CTDNEP1: variants seen among roughly 807,000 people sequenced by gnomAD.
CTDNEP1 encodes the protein C-terminal domain nuclear envelope phosphatase 1.
Under a neutral mutation model 30.1 loss-of-function variants are expected in CTDNEP1, and 3 were observed. The ratio of observed to expected loss-of-function variants is 0.10; its 90% CI spans 0.05 to 0.26. CTDNEP1 has a LOEUF of 0.26. Ranked by LOEUF, CTDNEP1 falls within the 10% of genes least tolerant of loss-of-function variation. CTDNEP1 has a pLI of 1.00. For missense variants in CTDNEP1, 158 were observed against 310.4 expected (o/e 0.51, Z 3.69); for synonymous variants, 123 against 118.8 (o/e 1.04, Z -0.23).
chr17:7,244,363 G>C lies in CTDNEP1; in HGVS notation c.675-118C>G, dbSNP rs937265000. ...TAAATTATCACCATATTCATGATTA[G>C]ATAGGTTCAATTTGCCCACAGCCTA... On this transcript the variant is annotated intron_variant, in intron 7 of 7. Transcript: ENST00000574322. 6 of 1,283,084 alleles carry C rather than the reference G, an allele frequency of 4.7e-6. No individual in the cohort carries two copies. In the African/African-American group the frequency reaches 7.3e-5, roughly 16 times the overall value. The allele number at this position is 1,283,084 out of a possible 1,614,324, so 79.5% of individuals were successfully genotyped here. A position where few individuals can be genotyped will look rare whatever the true frequency, so the allele number is the denominator to read the frequency against.
At chr17:7,247,374 C>T (rs773192400) in intron 1 of CTDNEP1, 31 bp from the exon 2 acceptor site, 1 of 1,585,746 alleles carries the variant, frequency 6.3e-7, no homozygotes, top group South Asian at 1.1e-5. Context: ...GATTGAAACC[C>T]TTGATAAGGA....
In CTDNEP1 at chr17:7,246,614, C is replaced by T; in HGVS notation, c.360+177G>A. 1 of 682,212 alleles carries T rather than the reference C, an allele frequency of 1.5e-6. No homozygotes were observed. The allele number at this position is 682,212 out of a possible 1,614,324, so 42.3% of individuals were successfully genotyped here. A position where few individuals can be genotyped will look rare whatever the true frequency, so the allele number is the denominator to read the frequency against. ...AGATGCCAGCGGAAAAGAATTACAT[C>T]AGCACAACAAATGAACCCCAAGTAC... On this transcript the variant is annotated intron_variant, in intron 4 of 7. Transcript: ENST00000574322. This position sits in a 1 kb window ranked among gnomAD's most constrained non-coding sequence, Gnocchi z 4.9.
At chr17:7,245,648 G>A (rs868293127) in intron 6 of CTDNEP1, among the ~76,000 whole-genome samples, 10 of 150,432 alleles carry the variant, frequency 6.6e-5, no homozygotes, top group South Asian at 2.2e-4. Context: ...ACAGGCGTGC[G>A]CCACCACGCC....
intron 1 of CTDNEP1, among the ~76,000 whole-genome samples, chr17:7,249,109 G>A (rs2071880508): frequency 6.6e-6 from 1 of 152,198 alleles, no homozygotes. Flanking sequence ...TAAGGGACAA[G>A]GACGTCACCA....
chr17:7,244,824 T>G, intron 6 of CTDNEP1, 189 bp from the exon 7 acceptor site: 1 of 545,090 alleles, frequency 1.8e-6, no homozygotes, highest in Non-Finnish European at 3.2e-6. Context: ...CTCATACCTA[T>G]TGATGCTTCT....
chr17:7,250,212 T>C (rs1160845852), intron 1 of CTDNEP1, among the ~76,000 whole-genome samples: 2 of 152,128 alleles, frequency 1.3e-5, no homozygotes, highest in African/African-American at 2.4e-5. Flanking sequence ...TCAAATTGTA[T>C]TGAGGTATGC....
At position 7,245,948 on chromosome 17, in the gene CTDNEP1, C is replaced by T. The variant is rs557978742; in HGVS notation, c.589+78G>A. 1,274 of 930,486 alleles carry T rather than the reference C, an allele frequency of 1.4e-3. 10 individuals are homozygous for T. In the African/African-American group the frequency reaches 0.019, roughly 14 times the overall value. 57.6% of individuals were successfully genotyped at this position (930,486 alleles called of 1,614,324 possible). On this transcript the variant is annotated intron_variant, in intron 6 of 7. Coordinates refer to ENST00000574322, the MANE Select transcript of CTDNEP1 (RefSeq NM_001143775.2). ...CTAGGGAATCCCAGCTCTCAAGGACCAAAGCCCAGGTCTCCTGCAAAAATA... is the reference window on the plus strand; with the variant it reads ...CTAGGGAATCCCAGCTCTCAAGGACTAAAGCCCAGGTCTCCTGCAAAAATA...
At chr17:7,250,853 G>C (rs1044268100) in intron 1 of CTDNEP1, among the ~76,000 whole-genome samples, 6 of 152,048 alleles carry the variant, frequency 3.9e-5, no homozygotes, top group Non-Finnish European at 7.4e-5. Flanking sequence ...CACATCCACA[G>C]ATCCGGCTGT....
At chr17:7,247,447 G>T in intron 1 of CTDNEP1, 104 bp from the exon 2 acceptor site, 28 of 787,082 alleles carry the variant, frequency 3.6e-5, no homozygotes, top group Non-Finnish European at 4.7e-5. Flanking sequence ...TACTATGTAT[G>T]TAATTTAGGC....
At chr17:7,250,085 A>G (rs2071892699) in intron 1 of CTDNEP1, among the ~76,000 whole-genome samples, 1 of 152,160 alleles carries the variant, frequency 6.6e-6, no homozygotes, top group Non-Finnish European at 1.5e-5. Context: ...GGTAAAGGAC[A>G]GAATGAACCC....
chr17:7,249,172 G>A (rs1353337991), intron 1 of CTDNEP1, among the ~76,000 whole-genome samples: 2 of 152,114 alleles, frequency 1.3e-5, no homozygotes, highest in Non-Finnish European at 2.9e-5. Context: ...TTCCTAATAC[G>A]CACATCTCCC....
Position 7,244,352 on chromosome 17 carries a change from A to G in CTDNEP1, c.675-107T>C, listed in dbSNP as rs146413480. On this transcript the variant is annotated intron_variant, in intron 7 of 7. Coordinates refer to ENST00000574322, the MANE Select transcript of CTDNEP1 (RefSeq NM_001143775.2). ...GATGTGGGACCTAAATTATCACCAT[A>G]TTCATGATTAGATAGGTTCAATTTG... is the stretch of plus-strand genomic sequence containing the variant. 8.3e-6 allele frequency: 11 copies of G among 1,321,250 alleles called. No homozygotes were observed. In the African/African-American group the frequency reaches 8.7e-5, roughly 10 times the overall value. The allele number at this position is 1,321,250 out of a possible 1,614,324, so 81.8% of individuals were successfully genotyped here. A position where few individuals can be genotyped will look rare whatever the true frequency, so the allele number is the denominator to read the frequency against.
rs1360779899 is a variant in CTDNEP1, at chr17:7,246,171, TC to T, written c.478-35del. ...CAGGGGATCATGTAGCAGGCCTCTC[TC>T]CAGGATACTCTCCTCAAACCCAGAT... is the stretch of plus-strand genomic sequence containing the variant. On this transcript the variant is annotated intron_variant, in intron 5 of 7. Transcript: ENST00000574322. This position sits in a 1 kb window ranked among gnomAD's most constrained non-coding sequence, Gnocchi z 4.9. 2 of 1,590,076 alleles carry T rather than the reference TC, an allele frequency of 1.3e-6. No homozygotes were observed. The highest frequency in any genetic ancestry group is 8.6e-7 in the Non-Finnish European group (1 of 1,158,408).
intron 1 of CTDNEP1, among the ~76,000 whole-genome samples, chr17:7,249,359 G>A (rs998283528): frequency 6.6e-5 from 10 of 152,122 alleles, no homozygotes; most frequent in Non-Finnish European, 1.0e-4. Flanking sequence ...GATGAGGTCC[G>A]AAAGAGCTCC....
At position 7,251,327 on chromosome 17, in the gene CTDNEP1, G is replaced by A. The variant is rs2071920439; in HGVS notation, c.-31C>T. 1.4e-6 allele frequency: 2 copies of A among 1,438,530 alleles called. No individual in the cohort carries two copies. The highest frequency in any genetic ancestry group is 1.5e-5 in the African/African-American group (1 of 67,524). 89.1% of individuals were successfully genotyped at this position (1,438,530 alleles called of 1,614,324 possible). On this transcript the variant is annotated 5_prime_UTR_variant, in exon 1 of 8. Transcript: ENST00000574322. ...TGACCCCGGCACCGCCGGCCCCGGG[G>A]CCCCCGCGGCCCAGCTCCGCCAGCC...
In CTDNEP1 at chr17:7,246,177, A is replaced by C. The variant is rs961849779; in HGVS notation, c.478-40T>G. On this transcript the variant is annotated intron_variant, in intron 5 of 7. Transcript: ENST00000574322. This position sits in a 1 kb window ranked among gnomAD's most constrained non-coding sequence, Gnocchi z 4.9. Reference sequence around the variant, plus strand: ...ATCATGTAGCAGGCCTCTCTCCAGGATACTCTCCTCAAACCCAGATCCCTC... The same window carrying C: ...ATCATGTAGCAGGCCTCTCTCCAGGCTACTCTCCTCAAACCCAGATCCCTC... The C allele has an allele frequency of 6.9e-6, 11 of 1,589,330 alleles. No homozygotes were observed. The East Asian group carries it at 2.5e-4, about 36-fold the overall frequency.
chr17:7,247,007 C>T (rs1478661778), intron 3 of CTDNEP1, 57 bp downstream of exon 3: 2 of 1,456,132 alleles, frequency 1.4e-6, no homozygotes, highest in African/African-American at 1.4e-5. Context: ...GAAAGGGAGT[C>T]CAGGTTTGGG....
intron 1 of CTDNEP1, among the ~76,000 whole-genome samples, chr17:7,248,504 C>T (rs1364230728): frequency 6.6e-6 from 1 of 150,422 alleles, no homozygotes; most frequent in Non-Finnish European, 1.5e-5. Context: ...GGACTATAGG[C>T]GCGCGAACCA....
intron 1 of CTDNEP1, among the ~76,000 whole-genome samples, chr17:7,249,203 C>T (rs2071881762): frequency 6.6e-6 from 1 of 152,184 alleles, no homozygotes; most frequent in African/African-American, 2.4e-5. Flanking sequence ...CTGGCAATTC[C>T]CTCTTCCACA....
Sources: gnomAD v4.1 joint callset for allele counts (sites outside exome capture counted in the v4.1 genomes callset) on GRCh38, gnomAD v4.1.1 for gene constraint, Gnocchi (gnomAD v3.1) non-coding constraint, MANE v1.5 for transcripts, NCBI Gene and HGNC (gene_info 2026-07-23, HGNC 2026-07-21) for gene names.